The following CRTAC1 variants were observed in gnomAD, a reference collection of about 807,000 sequenced individuals.
CRTAC1 encodes the protein acidic secreted protein in cartilage.
Under a neutral mutation model 67.8 loss-of-function variants are expected in CRTAC1, and 37 were observed. That is an observed-to-expected ratio of 0.55 (90% CI 0.42 to 0.72). The LOEUF is 0.72. Ranked by LOEUF, CRTAC1 falls within the 30% of genes least tolerant of loss-of-function variation. CRTAC1 has a pLI of 0.00. For synonymous variants in CRTAC1, 348 were observed against 371.0 expected (o/e 0.94, Z 0.71); for missense variants, 780 against 931.6 (o/e 0.84, Z 2.12).
At chr10:97,905,851 T>C (rs936646899) in intron 6 of CRTAC1, among the ~76,000 whole-genome samples, 2 of 152,214 alleles carry the variant, frequency 1.3e-5, no homozygotes, top group African/African-American at 4.8e-5. Context: ...CTGCTTATAC[T>C]ATCCACGGAG....
intron 11 of CRTAC1, among the ~76,000 whole-genome samples, chr10:97,891,868 G>A (rs758219188): frequency 2.0e-4 from 30 of 152,362 alleles, no homozygotes; most frequent in East Asian, 1.2e-3. Context: ...TGTCCCTGGC[G>A]GCTGGGTTGG....
intron 14 of CRTAC1, chr10:97,879,642 G>A (rs1490290575): frequency 6.5e-7 from 1 of 1,535,608 alleles, no homozygotes; most frequent in Non-Finnish European, 8.8e-7. Flanking sequence ...TTTCCACAAA[G>A]GCTGTTAGTT....
intron 2 of CRTAC1, among the ~76,000 whole-genome samples, chr10:97,941,441 C>A (rs553010922): frequency 6.6e-6 from 1 of 152,206 alleles, no homozygotes; most frequent in Non-Finnish European, 1.5e-5. Flanking sequence ...TACTTCCAAC[C>A]CAAATCCCCA....
intron 2 of CRTAC1, among the ~76,000 whole-genome samples, chr10:97,984,877 A>G (rs937048633): frequency 3.3e-5 from 5 of 152,264 alleles, no homozygotes; most frequent in Non-Finnish European, 7.3e-5. Context: ...GGTTAGGAAA[A>G]GGCAGCTCAA....
At chr10:97,921,516 C>T (rs1224834270) in intron 4 of CRTAC1, among the ~76,000 whole-genome samples, 1 of 152,208 alleles carries the variant, frequency 6.6e-6, no homozygotes, top group East Asian at 1.9e-4. Context: ...CGGATAGTGA[C>T]AGCATCTACC....
At chr10:97,938,567 C>T (rs114597962) in intron 2 of CRTAC1, among the ~76,000 whole-genome samples, 2,067 of 152,244 alleles carry the variant, frequency 0.014, 52 homozygotes, top group African/African-American at 0.046. Context: ...ATGTTCTTTC[C>T]GTGCTGCCTA....
intron 2 of CRTAC1, among the ~76,000 whole-genome samples, chr10:97,971,858 C>T (rs917433856): frequency 3.3e-5 from 5 of 152,068 alleles, no homozygotes; most frequent in Non-Finnish European, 5.9e-5. Flanking sequence ...TTGAGAGCCC[C>T]CAGCTACACT....
chr10:97,958,314 A>G (rs527593725), intron 2 of CRTAC1, among the ~76,000 whole-genome samples: 8 of 152,292 alleles, frequency 5.3e-5, no homozygotes, highest in African/African-American at 1.7e-4. Flanking sequence ...GAAAGGGACA[A>G]TGTCATCTCT....
intron 7 of CRTAC1, among the ~76,000 whole-genome samples, chr10:97,903,431 C>T (rs536387021): frequency 3.3e-5 from 5 of 151,820 alleles, no homozygotes; most frequent in South Asian, 4.2e-4. Context: ...GATCCCAGGA[C>T]GAGCTGTCCT....
At chr10:97,945,543 G>C (rs1006246982) in intron 2 of CRTAC1, among the ~76,000 whole-genome samples, 2 of 152,100 alleles carry the variant, frequency 1.3e-5, no homozygotes, top group South Asian at 2.1e-4. Flanking sequence ...ATGTATCCTG[G>C]AATAGGATAT....
chr10:97,902,122 C>T (rs1189971392), intron 7 of CRTAC1, among the ~76,000 whole-genome samples: 1 of 152,210 alleles, frequency 6.6e-6, no homozygotes, highest in Non-Finnish European at 1.5e-5. Flanking sequence ...AATCTCTGTG[C>T]ATCTAAATCC....
intron 2 of CRTAC1, among the ~76,000 whole-genome samples, chr10:98,010,071 G>T (rs1842876214): frequency 6.9e-6 from 1 of 145,980 alleles, no homozygotes; most frequent in South Asian, 2.1e-4. Context: ...ATGGAGTCTT[G>T]CTCTGTCGCC....
At chr10:97,890,425 A>AG (rs940411533) in intron 11 of CRTAC1, among the ~76,000 whole-genome samples, 7 of 150,760 alleles carry the variant, frequency 4.6e-5, no homozygotes, top group East Asian at 1.9e-4. Flanking sequence ...ATAGGTTAAG[A>AG]GGGGGAAAAA....
intron 2 of CRTAC1, among the ~76,000 whole-genome samples, chr10:98,004,082 T>G (rs1741914555): frequency 1.3e-5 from 2 of 152,236 alleles, no homozygotes; most frequent in African/African-American, 4.8e-5. Flanking sequence ...AGTATTTAAT[T>G]TAATTGGTAT....
At chr10:97,978,707 C>T (rs945180991) in intron 2 of CRTAC1, among the ~76,000 whole-genome samples, 4 of 152,190 alleles carry the variant, frequency 2.6e-5, no homozygotes, top group Admixed American at 6.5e-5. Context: ...CTCTAATGTC[C>T]TCCCTTCAGA....
At chr10:97,882,736 A>T (rs1380948919) in intron 13 of CRTAC1, 50 bp downstream of exon 13, 1 of 1,600,582 alleles carries the variant, frequency 6.2e-7, no homozygotes, top group African/African-American at 1.3e-5. Context: ...GGCATTCCCC[A>T]GGGAGATTCC....
chr10:97,997,647 T>C (rs2136680066), intron 2 of CRTAC1, among the ~76,000 whole-genome samples: 1 of 152,182 alleles, frequency 6.6e-6, no homozygotes, highest in East Asian at 1.9e-4. Flanking sequence ...GTATGAAATA[T>C]TTAAAGAATG....
chr10:98,030,455 G>C lies in CRTAC1; in HGVS notation c.18C>G (p.Asp6Glu). Residue 6 changes from aspartate to glutamate, a missense_variant, in exon 1 of 15, where the codon GAC (aspartate) becomes GAG (glutamate). Physicochemically the swap from Asp to Glu is conservative, Grantham distance 45. Transcript: ENST00000370597. The surrounding 1 kb of genome is among the most constrained non-coding windows in gnomAD (Gnocchi z 4.2). ...CACCGGTGCAGATACTCACGCCGGG[G>C]TCAGCGCTCGGAGCCATCCTCCCGC... MAPSA[D>E]PGMSRMLPFL... is the part of the protein sequence containing the mutation. 8.0e-7 allele frequency: 1 copy of C among 1,250,454 alleles called. No individual in the cohort carries two copies. Among genetic ancestry groups the C allele is most frequent in the Non-Finnish European group, 1.0e-6 (1 of 989,552 alleles). 77.5% of individuals were successfully genotyped at this position (1,250,454 alleles called of 1,614,324 possible).
chr10:97,872,832 C>T (rs971627025), intron 14 of CRTAC1, among the ~76,000 whole-genome samples: 1 of 152,170 alleles, frequency 6.6e-6, no homozygotes, highest in African/African-American at 2.4e-5. Flanking sequence ...GGGAAGATGC[C>T]GTGCTATCCC....
Sources: gnomAD v4.1 joint callset for allele counts (sites outside exome capture counted in the v4.1 genomes callset) on GRCh38, gnomAD v4.1.1 for gene constraint, Gnocchi (gnomAD v3.1) non-coding constraint, MANE v1.5 for transcripts, NCBI Gene and HGNC (gene_info 2026-07-23, HGNC 2026-07-21) for gene names.